The following MARCHF1 variants were observed in gnomAD, a reference collection of about 807,000 sequenced individuals.
MARCHF1 encodes the protein membrane associated ring-CH-type finger 1, also known as E3 ubiquitin-protein ligase MARCHF1.
A neutral mutation model predicts 54.2 loss-of-function variants in MARCHF1; 40 were observed. The ratio of observed to expected loss-of-function variants is 0.74; its 90% CI spans 0.57 to 0.96. The LOEUF (loss-of-function observed/expected upper bound fraction) is 0.96. Among genes scored for constraint, MARCHF1 ranks in the 40% least tolerant of loss-of-function variants. The pLI is 0.00. For missense variants in MARCHF1, 586 were observed against 656.5 expected (o/e 0.89, Z 1.17); for synonymous variants, 236 against 236.3 (o/e 1.00, Z 0.01).
intron 2 of MARCHF1, among the ~76,000 whole-genome samples, chr4:164,104,148 AGGACCAGAT>A (rs1272927784): frequency 6.7e-6 from 1 of 148,490 alleles, no homozygotes; most frequent in Non-Finnish European, 1.5e-5. Flanking sequence ...AAAAGAGTCC[AGGACCAGAT>A]GGATTCACAG....
chr4:163,803,229 A>G (rs1349098305), intron 4 of MARCHF1, among the ~76,000 whole-genome samples: 1 of 152,188 alleles, frequency 6.6e-6, no homozygotes, highest in Non-Finnish European at 1.5e-5. Context: ...TCTGGAGTGT[A>G]ATGGCCTGAT....
chr4:164,180,456 TA>T (rs1339241281), intron 1 of MARCHF1, among the ~76,000 whole-genome samples: 4 of 152,204 alleles, frequency 2.6e-5, no homozygotes, highest in Non-Finnish European at 5.9e-5. Flanking sequence ...CTAATAATTT[TA>T]AAATTATGTT....
chr4:163,602,819 A>G (rs971227007), intron 7 of MARCHF1, among the ~76,000 whole-genome samples: 1 of 152,136 alleles, frequency 6.6e-6, no homozygotes, highest in Admixed American at 6.6e-5. Context: ...TACAGAAAAA[A>G]TAATAGGGAG....
At chr4:163,741,449 G>T (rs1254014702) in intron 4 of MARCHF1, among the ~76,000 whole-genome samples, 2 of 152,098 alleles carry the variant, frequency 1.3e-5, no homozygotes, top group Non-Finnish European at 2.9e-5. Context: ...CGGGCGTGGT[G>T]GCACATGCCT....
chr4:164,178,072 A>T (rs1730738074), intron 1 of MARCHF1, among the ~76,000 whole-genome samples: 1 of 152,202 alleles, frequency 6.6e-6, no homozygotes, highest in Non-Finnish European at 1.5e-5. Flanking sequence ...TTTACACATA[A>T]GACCTCAGTT....
intron 4 of MARCHF1, among the ~76,000 whole-genome samples, chr4:163,830,636 G>T (rs1331364942): frequency 1.3e-5 from 2 of 152,058 alleles, no homozygotes; most frequent in African/African-American, 2.4e-5. Flanking sequence ...CTCTCCAGCT[G>T]GCCACAGTGG....
chr4:163,859,263 C>T (rs1749853985), intron 3 of MARCHF1, among the ~76,000 whole-genome samples: 1 of 152,064 alleles, frequency 6.6e-6, no homozygotes, highest in African/African-American at 2.4e-5. Flanking sequence ...GATAAGCTAC[C>T]CTCACCTTGT....
At chr4:163,892,471 G>C (rs894795237) in intron 3 of MARCHF1, among the ~76,000 whole-genome samples, 1 of 151,890 alleles carries the variant, frequency 6.6e-6, no homozygotes, top group East Asian at 1.9e-4. Context: ...GCTTGAGTTA[G>C]AGAGAGACAA....
chr4:164,153,660 C>T (rs1401956062), intron 1 of MARCHF1, among the ~76,000 whole-genome samples: 1 of 151,994 alleles, frequency 6.6e-6, no homozygotes, highest in African/African-American at 2.4e-5. Flanking sequence ...ACAAAATATG[C>T]TGATTTTATA....
chr4:163,844,725 G>T lies in MARCHF1; in HGVS notation c.111+9296C>A, dbSNP rs575487997. On this transcript the variant is annotated intron_variant, in intron 4 of 9. Transcript: ENST00000514618. ...TCTGTGATTCATTTATTCCTATTTTGTTCCATGATAACAGACAGCTATGGA... is the reference window on the plus strand; with the variant it reads ...TCTGTGATTCATTTATTCCTATTTTTTTCCATGATAACAGACAGCTATGGA... 2.0e-5 allele frequency among the ~76,000 whole-genome samples: 3 copies of T among 152,128 alleles called. No individual in the cohort carries two copies. The East Asian group carries it at 5.8e-4, about 29-fold the overall frequency.
At chr4:163,800,187 G>C (rs1297141755) in intron 4 of MARCHF1, among the ~76,000 whole-genome samples, 1 of 151,854 alleles carries the variant, frequency 6.6e-6, no homozygotes, top group Admixed American at 6.6e-5. Flanking sequence ...GATTATACCT[G>C]GGGAATGGAA....
At chr4:163,799,541 G>A (rs144682115) in intron 4 of MARCHF1, among the ~76,000 whole-genome samples, 77 of 152,130 alleles carry the variant, frequency 5.1e-4, no homozygotes, top group Non-Finnish European at 5.9e-4. Context: ...GATCTGAGAC[G>A]TAATAAAAAA....
intron 4 of MARCHF1, among the ~76,000 whole-genome samples, chr4:163,702,289 G>A (rs191972708): frequency 6.6e-6 from 1 of 152,120 alleles, no homozygotes; most frequent in Non-Finnish European, 1.5e-5. Context: ...CACTGGTGAT[G>A]GAGGGAGGCA....
chr4:163,601,700 C>T (rs10213671), intron 7 of MARCHF1, among the ~76,000 whole-genome samples: 1,858 of 151,954 alleles, frequency 0.012, 42 homozygotes, highest in African/African-American at 0.041. Context: ...TCTATTTTTG[C>T]TTGAAATTTT....
chr4:164,043,423 T>C (rs990510610), intron 2 of MARCHF1, among the ~76,000 whole-genome samples: 1 of 152,140 alleles, frequency 6.6e-6, no homozygotes, highest in African/African-American at 2.4e-5. Flanking sequence ...AGCTGTACCT[T>C]TACCACTTTT....
intron 2 of MARCHF1, among the ~76,000 whole-genome samples, chr4:164,057,103 C>G (rs1754510031): frequency 6.6e-6 from 1 of 152,150 alleles, no homozygotes; most frequent in African/African-American, 2.4e-5. Context: ...AAAGATACAA[C>G]AGAATAAAAC....
chr4:164,338,220 T>C (rs1188983524), intron 1 of MARCHF1, among the ~76,000 whole-genome samples: 1 of 151,448 alleles, frequency 6.6e-6, no homozygotes, highest in Non-Finnish European at 1.5e-5. Flanking sequence ...ATTATAATGA[T>C]AAAGTATTTT....
At chr4:163,771,837 T>C (rs1747170227) in intron 4 of MARCHF1, among the ~76,000 whole-genome samples, 1 of 152,236 alleles carries the variant, frequency 6.6e-6, no homozygotes, top group South Asian at 2.1e-4. Flanking sequence ...TTTCAGGTTC[T>C]ATTTTGAGAA....
chr4:164,062,651 G>C (rs903608199), intron 2 of MARCHF1, among the ~76,000 whole-genome samples: 1 of 151,698 alleles, frequency 6.6e-6, no homozygotes, highest in African/African-American at 2.4e-5. Context: ...CAGCCTCCTG[G>C]GTAGCTGGAA....
Sources: allele counts gnomAD v4.1 joint callset (sites outside exome capture counted in the v4.1 genomes callset), GRCh38; gene constraint gnomAD v4.1.1; transcripts MANE v1.5; gene names NCBI Gene and HGNC (gene_info 2026-07-23, HGNC 2026-07-21).